Variants in UNC13C observed in about 807,000 individuals in gnomAD.
The protein encoded by UNC13C is unc-13 homolog C.
Under a neutral mutation model 245.4 loss-of-function variants are expected in UNC13C, and 174 were observed. That is an observed-to-expected ratio of 0.71 (90% CI 0.63 to 0.80). The LOEUF (loss-of-function observed/expected upper bound fraction) is 0.80, where lower values mean the gene tolerates loss of function less well. UNC13C is among the 30% of genes least tolerant of loss of function. The pLI is 0.00. For missense variants in UNC13C, 2,829 were observed against 2,602.9 expected, an observed-to-expected ratio of 1.09 and a Z score of -1.89; for synonymous variants, 992 against 895.1, an observed-to-expected ratio of 1.11 and a Z score of -1.93.
In UNC13C at chr15:54,321,262, C is replaced by G. The variant is rs1456000217; in HGVS notation, c.4269-677C>G. 1.0e-5 allele frequency: 5 copies of G among 480,130 alleles called. No homozygotes were observed. The East Asian group carries it at 2.7e-4, about 26-fold the overall frequency. 29.7% of individuals were successfully genotyped at this position (480,130 alleles called of 1,614,324 possible). A position where few individuals can be genotyped will look rare whatever the true frequency, so the allele number is the denominator to read the frequency against. ...AGCAAGACCCCTTTTCTTGCCACTG[C>G]CTCAGCTATGATTTCAATCACTTCA... is the stretch of plus-strand genomic sequence containing the variant. On this transcript the variant is annotated intron_variant, in intron 13 of 32. Coordinates refer to ENST00000260323, the MANE Select transcript of UNC13C (RefSeq NM_001080534.3).
chr15:54,239,107 A>AT (rs2035784353), intron 7 of UNC13C, among the ~76,000 whole-genome samples: 1 of 152,128 alleles, frequency 6.6e-6, no homozygotes. Flanking sequence ...TACCTCCCCA[A>AT]TTTTAGCAAC....
chr15:53,906,949 A>G, the UNC13C span, among the ~76,000 whole-genome samples: 1 of 151,734 alleles, frequency 6.6e-6, no homozygotes, highest in Non-Finnish European at 1.5e-5. Context: ...CGATCATGAT[A>G]ACAGCATGGG....
chr15:54,523,927 A>G (rs1183414874), intron 24 of UNC13C, among the ~76,000 whole-genome samples: 2 of 152,162 alleles, frequency 1.3e-5, no homozygotes, highest in African/African-American at 4.8e-5. Flanking sequence ...TCAAGGTAAA[A>G]TTGTTATTAG....
At chr15:54,461,394 T>A (rs1891835410) in intron 19 of UNC13C, among the ~76,000 whole-genome samples, 1 of 152,188 alleles carries the variant, frequency 6.6e-6, no homozygotes. Flanking sequence ...CCTAGCATTT[T>A]AGATAAGGGA....
chr15:54,072,473 C>T (rs1898374978), intron 2 of UNC13C, among the ~76,000 whole-genome samples: 1 of 152,130 alleles, frequency 6.6e-6, no homozygotes. Context: ...GCCAATAGAG[C>T]ATGAAGAGGG....
In UNC13C at chr15:54,622,051, CAACCCTAGTTCTTT is replaced by C. The variant is rs1453918342; in HGVS notation, c.6107-273_6107-260del. On this transcript the variant is annotated intron_variant, in intron 30 of 32. Coordinates refer to ENST00000260323, the MANE Select transcript of UNC13C (RefSeq NM_001080534.3). ...TAACTTCATTAAGTGGCTAGTAAATCAACCCTAGTTCTTTAAACTATCATAATAGTAACAGAATG... is the reference window on the plus strand; with the variant it reads ...TAACTTCATTAAGTGGCTAGTAAATCAAACTATCATAATAGTAACAGAATG... Among the ~76,000 whole-genome samples, 11 of 152,228 alleles carry C rather than the reference CAACCCTAGTTCTTT, an allele frequency of 7.2e-5. No homozygotes were observed. The East Asian group carries it at 1.7e-3, about 24-fold the overall frequency.
At chr15:53,857,422 C>T in the UNC13C span, among the ~76,000 whole-genome samples, 1 of 152,218 alleles carries the variant, frequency 6.6e-6, no homozygotes, top group African/African-American at 2.4e-5. Context: ...ACACAAATAG[C>T]ATGTATGAGA....
intron 1 of UNC13C, among the ~76,000 whole-genome samples, chr15:54,009,069 C>T (rs1225491543): frequency 1.3e-5 from 2 of 151,954 alleles, no homozygotes; most frequent in Non-Finnish European, 2.9e-5. Flanking sequence ...TTGGACTCAC[C>T]AACTCTTTCC....
intron 19 of UNC13C, among the ~76,000 whole-genome samples, chr15:54,475,285 TTATTATTATTATTATTA>T (rs1567307599): frequency 0.17 from 17,212 of 103,636 alleles, 1,237 homozygotes; most frequent in Admixed American, 0.25. Context: ...TTTTTGTTTA[TTATTATTATTATTATTA>T]TTATTATTAT....
intron 2 of UNC13C, among the ~76,000 whole-genome samples, chr15:54,034,186 G>A (rs1041773236): frequency 6.6e-6 from 1 of 152,204 alleles, no homozygotes; most frequent in Non-Finnish European, 1.5e-5. Context: ...AGCAGGGAAA[G>A]GTCAGAGTGT....
intron 19 of UNC13C, among the ~76,000 whole-genome samples, chr15:54,493,868 T>C (rs958940915): frequency 3.9e-5 from 6 of 152,208 alleles, no homozygotes; most frequent in African/African-American, 1.2e-4. Context: ...GCTTAACAAC[T>C]GTGATAAGCT....
intron 13 of UNC13C, among the ~76,000 whole-genome samples, chr15:54,312,480 A>G (rs1007683461): frequency 6.6e-6 from 1 of 151,788 alleles, no homozygotes; most frequent in African/African-American, 2.4e-5. Flanking sequence ...TTTCTGAACA[A>G]TGTAAACAAC....
the UNC13C span, among the ~76,000 whole-genome samples, chr15:53,938,637 A>T: frequency 6.6e-6 from 1 of 152,178 alleles, no homozygotes; most frequent in Non-Finnish European, 1.5e-5. Context: ...AATGCAAAAG[A>T]ACTGAAATCA....
At chr15:54,293,208 G>A (rs1245332569) in intron 10 of UNC13C, among the ~76,000 whole-genome samples, 1 of 151,856 alleles carries the variant, frequency 6.6e-6, no homozygotes, top group Non-Finnish European at 1.5e-5. Context: ...CCTAAAGATT[G>A]ATTGGTTAAC....
At chr15:54,287,982 CA>C (rs2037192075) in intron 10 of UNC13C, among the ~76,000 whole-genome samples, 1 of 152,176 alleles carries the variant, frequency 6.6e-6, no homozygotes, top group African/African-American at 2.4e-5. Context: ...AGTCTCTTCA[CA>C]AGCTTCAGGT....
At chr15:54,446,487 T>C (rs1240567663) in intron 19 of UNC13C, among the ~76,000 whole-genome samples, 2 of 152,226 alleles carry the variant, frequency 1.3e-5, no homozygotes, top group Non-Finnish European at 2.9e-5. Context: ...TGGTTTCTAG[T>C]TCTCCTTGAA....
the UNC13C span, among the ~76,000 whole-genome samples, chr15:53,891,839 TG>T: frequency 8.3e-4 from 127 of 152,376 alleles, 1 homozygote; most frequent in Non-Finnish European, 1.4e-3. Context: ...GTCTTTTAAT[TG>T]GGGCATTTAG....
chr15:53,955,364 C>T, the UNC13C span, among the ~76,000 whole-genome samples: 2 of 151,784 alleles, frequency 1.3e-5, no homozygotes, highest in African/African-American at 4.8e-5. Flanking sequence ...TGATACCAAA[C>T]ATACTGAATT....
chr15:54,456,433 CT>C (rs1237102946), intron 19 of UNC13C, among the ~76,000 whole-genome samples: 1 of 151,886 alleles, frequency 6.6e-6, no homozygotes, highest in Non-Finnish European at 1.5e-5. Flanking sequence ...ATATAGATTG[CT>C]TTTGGCAGTG....
Sources: gnomAD v4.1 joint callset for allele counts (sites outside exome capture counted in the v4.1 genomes callset) on GRCh38, gnomAD v4.1.1 for gene constraint, MANE v1.5 for transcripts, NCBI Gene and HGNC (gene_info 2026-07-23, HGNC 2026-07-21) for gene names.